Variants in DNAI1 observed in about 807,000 individuals in gnomAD.
The protein encoded by DNAI1 is dynein, axonemal, intermediate polypeptide 1.
Under a neutral mutation model 92.0 loss-of-function variants are expected in DNAI1, and 67 were observed. The ratio of observed to expected loss-of-function variants is 0.73; its 90% CI spans 0.60 to 0.89. The LOEUF (loss-of-function observed/expected upper bound fraction) is 0.89, where lower values mean the gene tolerates loss of function less well. Ranked by LOEUF, DNAI1 falls within the 40% of genes least tolerant of loss-of-function variation. The probability of loss-of-function intolerance (pLI) is 0.00; values close to 1 mark genes in which losing one functional copy is unlikely to be tolerated. For synonymous variants in DNAI1, 323 were observed against 319.6 expected (o/e 1.01, Z -0.11); for missense variants, 839 against 866.6 (o/e 0.97, Z 0.40).
rs1271867592 is a variant in DNAI1 at position 34,492,493 on chromosome 9, G to GAGATATAT, written c.682-700_682-699insGATATATA. Among the ~76,000 whole-genome samples, 528 of 68,252 alleles carry GAGATATAT rather than the reference G, an allele frequency of 7.7e-3. 48 individuals are homozygous for GAGATATAT. The highest frequency in any genetic ancestry group is 0.017 in the East Asian group (39 of 2,338). The allele number at this position is 68,252 out of a possible 152,430, so 44.8% of individuals were successfully genotyped here. ...TCCGGGGTGGGGGTGGGGATATGAAGATATATATATATATATATATATATA... is the reference window on the plus strand; with the variant it reads ...TCCGGGGTGGGGGTGGGGATATGAAGAGATATATATATATATATATATATATATATATA... On this transcript the variant is annotated intron_variant, in intron 8 of 19. Coordinates refer to ENST00000242317, the MANE Select transcript of DNAI1 (RefSeq NM_012144.4).
intron 3 of DNAI1, 46 bp from the exon 4 acceptor site, chr9:34,485,391 T>A: frequency 6.2e-7 from 1 of 1,602,332 alleles, no homozygotes; most frequent in South Asian, 1.1e-5. Context: ...TCAGATAGGG[T>A]TGGGGGGTCT....
chr9:34,486,837 T>C (rs925305057), intron 4 of DNAI1, among the ~76,000 whole-genome samples: 1 of 152,238 alleles, frequency 6.6e-6, no homozygotes, highest in Non-Finnish European at 1.5e-5. Flanking sequence ...TCTATAGATT[T>C]GCCTATTCTG....
intron 15 of DNAI1, 38 bp downstream of exon 15, chr9:34,512,462 G>C: frequency 6.3e-7 from 1 of 1,588,208 alleles, no homozygotes; most frequent in Non-Finnish European, 8.6e-7. Flanking sequence ...GGCCTGGCCA[G>C]GTCATTCAGG....
intron 13 of DNAI1, 72 bp from the exon 14 acceptor site, chr9:34,512,037 G>A: frequency 2.1e-6 from 3 of 1,453,216 alleles, no homozygotes; most frequent in South Asian, 2.3e-5. Context: ...GCTTGGGGGA[G>A]CCCTGCTCTG....
At position 34,500,709 on chromosome 9, in the gene DNAI1, G is replaced by A. The variant is rs45600639; in HGVS notation, c.902-13G>A. 24 of 1,601,992 alleles carry A rather than the reference G, an allele frequency of 1.5e-5. No individual in the cohort carries two copies. The highest frequency in any genetic ancestry group is 2.0e-5 in the Non-Finnish European group (23 of 1,169,640). On this transcript the variant is annotated splice_polypyrimidine_tract_variant and intron_variant, in intron 10 of 19. Coordinates refer to ENST00000242317, the MANE Select transcript of DNAI1 (RefSeq NM_012144.4). ...GGCAGTCCCAGGGCTGACTCTGCCT[G>A]TGTGTGTTTAAGATTTTAAGTACTA...
intron 1 of DNAI1, among the ~76,000 whole-genome samples, chr9:34,473,338 G>A (rs1049771995): frequency 1.1e-4 from 17 of 151,380 alleles, no homozygotes; most frequent in African/African-American, 4.1e-4. Context: ...TGTCACCCAG[G>A]CTGCAGTGCA....
chr9:34,491,653 G>A, intron 8 of DNAI1, 99 bp downstream of exon 8: 1 of 1,325,248 alleles, frequency 7.5e-7, no homozygotes, highest in Non-Finnish European at 1.1e-6. Context: ...GGCTCCTCTG[G>A]CAGTCTGCCC....
chr9:34,497,314 A>G (rs1824746677), intron 10 of DNAI1, 115 bp downstream of exon 10: 4 of 796,032 alleles, frequency 5.0e-6, no homozygotes, highest in South Asian at 4.1e-5. Context: ...CGGAGAAAAA[A>G]TAATCCCTCT....
chr9:34,505,270 A>G (rs1587083682), intron 12 of DNAI1, among the ~76,000 whole-genome samples: 1 of 152,074 alleles, frequency 6.6e-6, no homozygotes, highest in Non-Finnish European at 1.5e-5. Flanking sequence ...CAATTTCTAC[A>G]GGCTGCCCAC....
intron 1 of DNAI1, among the ~76,000 whole-genome samples, chr9:34,461,736 A>G (rs980232426): frequency 1.3e-5 from 2 of 152,118 alleles, no homozygotes; most frequent in Non-Finnish European, 2.9e-5. Context: ...GGGGTGTGAG[A>G]AAAGGTTAGG....
intron 19 of DNAI1, 95 bp downstream of exon 19, chr9:34,517,562 C>T: frequency 1.4e-6 from 2 of 1,429,656 alleles, no homozygotes; most frequent in Non-Finnish European, 2.0e-6. Context: ...CACCCAGTTT[C>T]TGATGTGGGA....
At chr9:34,513,958 G>A (rs1433828352) in intron 16 of DNAI1, among the ~76,000 whole-genome samples, 3 of 152,228 alleles carry the variant, frequency 2.0e-5, no homozygotes, top group African/African-American at 4.8e-5. Flanking sequence ...CCTGGACAAG[G>A]TGGGATGTTA....
At chr9:34,477,363 T>C (rs1161274916) in intron 1 of DNAI1, among the ~76,000 whole-genome samples, 2 of 152,228 alleles carry the variant, frequency 1.3e-5, no homozygotes, top group Non-Finnish European at 2.9e-5. Context: ...AGTTGCTTGA[T>C]GTCTCTATAC....
At chr9:34,498,478 A>G (rs1230950548) in intron 10 of DNAI1, among the ~76,000 whole-genome samples, 1 of 152,268 alleles carries the variant, frequency 6.6e-6, no homozygotes, top group Non-Finnish European at 1.5e-5. Flanking sequence ...CGGAAGAGAC[A>G]TTTCAAATAA....
intron 13 of DNAI1, among the ~76,000 whole-genome samples, chr9:34,508,385 C>T (rs1219505273): frequency 6.6e-6 from 1 of 152,178 alleles, no homozygotes; most frequent in Non-Finnish European, 1.5e-5. Context: ...ATACGCCCTC[C>T]CCGGCTACTC....
Position 34,490,049 on chromosome 9 carries a change from A to G in DNAI1, c.426A>G (p.Gly142=). The G allele has an allele frequency of 6.2e-7, 1 of 1,614,192 alleles. No homozygotes were observed. Among genetic ancestry groups the G allele is most frequent in the Non-Finnish European group, 8.5e-7 (1 of 1,180,034 alleles). Residue 142 remains glycine (G), a synonymous_variant, in exon 6 of 20, where the codon GGA becomes GGG. Coordinates refer to ENST00000242317, the MANE Select transcript of DNAI1 (RefSeq NM_012144.4). ...CTGTCAAGGTGATTTCAGAAACAGG[A>G]AACCTCGAAGAAGACGAAGAGCCCA... ...QESVKVISET[G]NLEEDEEPKE...
chr9:34,492,209 G>C (rs1417273635), intron 8 of DNAI1, among the ~76,000 whole-genome samples: 1 of 151,966 alleles, frequency 6.6e-6, no homozygotes, highest in Non-Finnish European at 1.5e-5. Context: ...AGGAGACTGG[G>C]GGGGAGTTAT....
intron 12 of DNAI1, among the ~76,000 whole-genome samples, chr9:34,504,768 C>A (rs976376791): frequency 5.3e-5 from 8 of 152,204 alleles, no homozygotes; most frequent in African/African-American, 1.9e-4. Flanking sequence ...AGGTTTTGAA[C>A]CCTCTAGCAA....
chr9:34,465,379 A>G (rs995596419), intron 1 of DNAI1, among the ~76,000 whole-genome samples: 1 of 152,238 alleles, frequency 6.6e-6, no homozygotes, highest in Non-Finnish European at 1.5e-5. Context: ...GGATGGATGC[A>G]GTTGATGATA....
Sources: gnomAD v4.1 joint callset for allele counts (sites outside exome capture counted in the v4.1 genomes callset) on GRCh38, gnomAD v4.1.1 for gene constraint, MANE v1.5 for transcripts, NCBI Gene and HGNC (gene_info 2026-07-23, HGNC 2026-07-21) for gene names.